The following XKR4 variants were observed in gnomAD, a reference collection of about 807,000 sequenced individuals.
The protein encoded by XKR4 is XK-related protein 4.
A neutral mutation model predicts 53.9 loss-of-function variants in XKR4; 12 were observed. The observed-to-expected ratio is 0.22, with a 90% CI of 0.14 to 0.36. The LOEUF is 0.36. Ranked by LOEUF, XKR4 falls within the 10% of genes least tolerant of loss-of-function variation. The probability of loss-of-function intolerance (pLI) is 1.00; values close to 1 mark genes in which losing one functional copy is unlikely to be tolerated. For missense variants in XKR4, 799 were observed against 859.5 expected, an observed-to-expected ratio of 0.93 and a Z score of 0.88; for synonymous variants, 354 against 362.4, an observed-to-expected ratio of 0.98 and a Z score of 0.26.
intron 2 of XKR4, chr8:55,453,724 C>T: frequency 2.6e-6 from 1 of 386,854 alleles, no homozygotes. Flanking sequence ...GCATGTTGTG[C>T]ATCGCCAAGT....
intron 2 of XKR4, among the ~76,000 whole-genome samples, chr8:55,507,990 G>C (rs2622561): frequency 0.67 from 102,024 of 151,912 alleles, 34,888 homozygotes; most frequent in East Asian, 0.86. Flanking sequence ...TCCTATTTCT[G>C]CACGATTCTC....
At chr8:55,263,507 A>G (rs757738533) in intron 1 of XKR4, among the ~76,000 whole-genome samples, 1 of 152,150 alleles carries the variant, frequency 6.6e-6, no homozygotes, top group Non-Finnish European at 1.5e-5. Flanking sequence ...AATAAATACA[A>G]AACTAGAGCA....
chr8:55,379,940 T>C (rs76855071), intron 2 of XKR4, among the ~76,000 whole-genome samples: 2,550 of 152,350 alleles, frequency 0.017, 29 homozygotes, highest in Middle Eastern at 0.037. Flanking sequence ...TCAAGTGTTA[T>C]GAGCACTGTC....
intron 1 of XKR4, among the ~76,000 whole-genome samples, chr8:55,315,062 C>A (rs1284424264): frequency 6.6e-6 from 1 of 152,192 alleles, no homozygotes; most frequent in African/African-American, 2.4e-5. Context: ...ACTATACATG[C>A]ATTTCCTGAG....
At chr8:55,288,092 T>C (rs1028964070) in intron 1 of XKR4, among the ~76,000 whole-genome samples, 1 of 152,194 alleles carries the variant, frequency 6.6e-6, no homozygotes, top group Non-Finnish European at 1.5e-5. Context: ...TAGTGTATTT[T>C]ATATGTGGCC....
chr8:55,463,320 C>G (rs540255204), intron 2 of XKR4, among the ~76,000 whole-genome samples: 1 of 152,224 alleles, frequency 6.6e-6, no homozygotes, highest in East Asian at 1.9e-4. Context: ...GATTAAGAAA[C>G]TCACTCAAAA....
intron 1 of XKR4, among the ~76,000 whole-genome samples, chr8:55,226,450 TG>T (rs1258690959): frequency 6.6e-6 from 1 of 152,226 alleles, no homozygotes; most frequent in Non-Finnish European, 1.5e-5. Flanking sequence ...ACATGATTGC[TG>T]ACTCAGAGAA....
At chr8:55,123,898 A>G (rs1816426468) in intron 1 of XKR4, among the ~76,000 whole-genome samples, 1 of 152,186 alleles carries the variant, frequency 6.6e-6, no homozygotes, top group African/African-American at 2.4e-5. Flanking sequence ...ACAGTTAACA[A>G]TTCTCATTGG....
intron 1 of XKR4, among the ~76,000 whole-genome samples, chr8:55,220,847 A>T (rs1051594463): frequency 1.3e-5 from 2 of 152,248 alleles, no homozygotes; most frequent in East Asian, 3.8e-4. Flanking sequence ...AATCTTTTAA[A>T]TGAGGACATT....
Position 55,103,224 on chromosome 8 carries a change from G to C in XKR4, c.736G>C (p.Ala246Pro), listed in dbSNP as rs565087505. The C allele has an allele frequency of 6.2e-7, 1 of 1,613,984 alleles. No individual in the cohort carries two copies. The highest frequency in any genetic ancestry group is 8.5e-7 in the Non-Finnish European group (1 of 1,180,030). Reference protein sequence around the residue: ...ATRASGKHRSASCSFCIWLLQ... With the variant: ...ATRASGKHRSPSCSFCIWLLQ... ...CCGGGCCAGTGGCAAGCACAGGTCT[G>C]CGTCCTGCTCCTTCTGCATCTGGCT... is the stretch of plus-strand genomic sequence containing the variant. The change falls in exon 1 of 3, where the codon GCG (alanine) becomes CCG (proline). Residue 246 changes from alanine (A) to proline (P), a missense_variant. Around this residue, in one of 3 missense-constraint regions of XKR4, gnomAD observed 476 missense variants for 505.4 expected, o/e 0.94. Coordinates refer to ENST00000327381, the MANE Select transcript of XKR4 (RefSeq NM_052898.2).
At chr8:55,171,360 G>A (rs902502108) in intron 1 of XKR4, among the ~76,000 whole-genome samples, 4 of 152,132 alleles carry the variant, frequency 2.6e-5, no homozygotes, top group African/African-American at 9.7e-5. Flanking sequence ...TTGGGGACAG[G>A]CAAGCTGGTG....
intron 1 of XKR4, among the ~76,000 whole-genome samples, chr8:55,292,891 C>T (rs1240046337): frequency 6.6e-6 from 1 of 152,046 alleles, no homozygotes; most frequent in Non-Finnish European, 1.5e-5. Context: ...CCTCTTTGGT[C>T]CATGGGTTAC....
intron 2 of XKR4, among the ~76,000 whole-genome samples, chr8:55,481,550 C>G (rs952935066): frequency 2.0e-5 from 3 of 152,160 alleles, no homozygotes; most frequent in African/African-American, 7.2e-5. Flanking sequence ...ACAATGGGAT[C>G]TAATTAAACT....
intron 1 of XKR4, among the ~76,000 whole-genome samples, chr8:55,172,774 G>A (rs1341407414): frequency 6.6e-6 from 1 of 152,228 alleles, no homozygotes; most frequent in African/African-American, 2.4e-5. Context: ...TCAGATGTCT[G>A]CAATGGAAAA....
At chr8:55,215,049 A>C (rs1463099088) in intron 1 of XKR4, among the ~76,000 whole-genome samples, 1 of 151,168 alleles carries the variant, frequency 6.6e-6, no homozygotes, top group East Asian at 1.9e-4. Flanking sequence ...TTGCCTTTTA[A>C]ACTTACTTGG....
intron 2 of XKR4, among the ~76,000 whole-genome samples, chr8:55,392,216 T>C (rs532913576): frequency 2.0e-4 from 31 of 152,242 alleles, no homozygotes; most frequent in African/African-American, 7.2e-4. Context: ...ATAGTCCTGA[T>C]TGTCAAATGC....
At chr8:55,131,163 A>AAAC (rs56967446) in intron 1 of XKR4, among the ~76,000 whole-genome samples, 13 of 150,208 alleles carry the variant, frequency 8.7e-5, no homozygotes, top group South Asian at 6.4e-4. Context: ...GCTGTCTCAA[A>AAAC]AACAACAACA....
At position 55,524,299 on chromosome 8, in the gene XKR4, T is replaced by A. The variant is rs1286395687; in HGVS notation, c.*72T>A. 1.4e-6 allele frequency: 2 copies of A among 1,435,304 alleles called. No homozygotes were observed. Among genetic ancestry groups the A allele is most frequent in the Non-Finnish European group, 1.9e-6 (2 of 1,048,818 alleles). The allele number at this position is 1,435,304 out of a possible 1,614,324, so 88.9% of individuals were successfully genotyped here. A position where few individuals can be genotyped will look rare whatever the true frequency, so the allele number is the denominator to read the frequency against. On this transcript the variant is annotated 3_prime_UTR_variant, in exon 3 of 3. Coordinates refer to ENST00000327381, the MANE Select transcript of XKR4 (RefSeq NM_052898.2). Reference sequence around the variant, plus strand: ...AGCAGGGCTGTGGCCATAATGACACTTCATCCTAGAGCAGGGCAGTGAGCC... The same window carrying A: ...AGCAGGGCTGTGGCCATAATGACACATCATCCTAGAGCAGGGCAGTGAGCC...
chr8:55,340,204 T>C (rs954348439), intron 1 of XKR4, among the ~76,000 whole-genome samples: 3 of 152,200 alleles, frequency 2.0e-5, no homozygotes, highest in Non-Finnish European at 2.9e-5. Flanking sequence ...TGGTTTAAAG[T>C]CCTTTATATT....
Sources: gnomAD v4.1 joint callset for allele counts (sites outside exome capture counted in the v4.1 genomes callset) on GRCh38, gnomAD v4.1.1 for gene constraint, gnomAD v4.1.1 regional missense constraint, MANE v1.5 for transcripts, NCBI Gene and HGNC (gene_info 2026-07-23, HGNC 2026-07-21) for gene names.